JADE2: variants seen among roughly 807,000 people sequenced by gnomAD.
JADE2 encodes the protein jade family PHD finger 2, also known as E3 ubiquitin-protein ligase Jade-2.
A neutral mutation model predicts 85.7 loss-of-function variants in JADE2; 13 were observed. That is an observed-to-expected ratio of 0.15 (90% confidence interval 0.10 to 0.24). JADE2 has a LOEUF of 0.24. Ranked by LOEUF, JADE2 falls within the 10% of genes least tolerant of loss-of-function variation. The pLI, the probability that JADE2 is intolerant of heterozygous loss-of-function variation, is 1.00. For missense variants in JADE2, 846 were observed against 1,115.9 expected, an observed-to-expected ratio of 0.76 and a Z score of 3.45; for synonymous variants, 440 against 456.1, an observed-to-expected ratio of 0.96 and a Z score of 0.45.
chr5:134,567,358 C>A (rs1763706413), intron 9 of JADE2, among the ~76,000 whole-genome samples: 1 of 152,266 alleles, frequency 6.6e-6, no homozygotes, highest in African/African-American at 2.4e-5. Flanking sequence ...GAAAACCACC[C>A]CCAGCTGTGT....
Position 134,538,027 on chromosome 5 carries a change from C to T in JADE2, c.97C>T (p.Leu33=), listed in dbSNP as rs1761712644. The T allele has an allele frequency of 1.9e-6, 3 of 1,614,182 alleles. No homozygotes were observed. The highest frequency in any genetic ancestry group is 1.7e-6 in the Non-Finnish European group (2 of 1,180,018). Residue 33 remains leucine, a synonymous_variant, in exon 3 of 12, where the codon CTG becomes TTG. Coordinates refer to ENST00000681547, the MANE Select transcript of JADE2 (RefSeq NM_001388185.1). ...TACATCCGCATCAAGATGCTCCAAA[C>T]TGCCCAGCAGCACCAAGTCGGGCTG... is the stretch of plus-strand genomic sequence containing the variant. ...TSTSASRCSK[L]PSSTKSGWPR...
At chr5:134,572,617 T>C (rs1055866519) in intron 9 of JADE2, among the ~76,000 whole-genome samples, 1 of 152,212 alleles carries the variant, frequency 6.6e-6, no homozygotes, top group Non-Finnish European at 1.5e-5. Context: ...CTGAGCAGCT[T>C]TGGCCAACTG....
chr5:134,576,122 C>T (rs1288601155), intron 10 of JADE2, among the ~76,000 whole-genome samples: 1 of 152,158 alleles, frequency 6.6e-6, no homozygotes, highest in Non-Finnish European at 1.5e-5. Flanking sequence ...TCGCTTGAGC[C>T]TGGGAGGTCA....
chr5:134,544,339 GGT>G (rs1438242227), intron 3 of JADE2: 1 of 158,782 alleles, frequency 6.3e-6, no homozygotes, highest in Non-Finnish European at 1.5e-5. Context: ...TACACAGGAA[GGT>G]GTCTGTTATG....
intron 8 of JADE2, among the ~76,000 whole-genome samples, chr5:134,565,045 A>G (rs1763553455): frequency 6.6e-6 from 1 of 152,190 alleles, no homozygotes; most frequent in African/African-American, 2.4e-5. Context: ...AAAGTCTAGC[A>G]TGCGTCAGAA....
chr5:134,542,366 GT>G, intron 3 of JADE2, among the ~76,000 whole-genome samples: 1 of 143,728 alleles, frequency 7.0e-6, no homozygotes. Flanking sequence ...AGAGATTATT[GT>G]TTTAATACCA....
rs187609910 is a variant in JADE2 at position 134,564,762 on chromosome 5, G to A, written c.969+152G>A. On this transcript the variant is annotated intron_variant, in intron 8 of 11. Coordinates refer to ENST00000681547, the MANE Select transcript of JADE2 (RefSeq NM_001388185.1). Reference sequence around the variant, plus strand: ...TGGGACTGGGGCCAGAGTCAGAATCGCACCTGTTGGGGAGCATTTCTCCAT... The same window carrying A: ...TGGGACTGGGGCCAGAGTCAGAATCACACCTGTTGGGGAGCATTTCTCCAT... 231 of 543,178 alleles carry A rather than the reference G, an allele frequency of 4.3e-4. 2 individuals carry two copies. The highest frequency in any genetic ancestry group is 2.8e-3 in the Admixed American group (78 of 28,072). The allele number at this position is 543,178 out of a possible 1,614,324, so 33.6% of individuals were successfully genotyped here.
Position 134,566,098 on chromosome 5 carries a change from C to T in JADE2, c.970-18C>T, listed in dbSNP as rs1260174914. ...CAGGCTCCCTCCATGTCTGATCCTG[C>T]CCCTCCTTTCCCCTCAGTGTTCCAT... is the stretch of plus-strand genomic sequence containing the variant. On this transcript the variant is annotated intron_variant, in intron 8 of 11. Coordinates refer to ENST00000681547, the MANE Select transcript of JADE2 (RefSeq NM_001388185.1). The surrounding 1 kb of genome is among the most constrained non-coding windows in gnomAD (Gnocchi z 6.7). 6.2e-7 allele frequency: 1 copy of T among 1,600,314 alleles called. No individual in the cohort carries two copies. Among genetic ancestry groups the T allele is most frequent in the African/African-American group, 1.3e-5 (1 of 74,864 alleles).
chr5:134,570,717 C>A (rs1008364650), intron 9 of JADE2, among the ~76,000 whole-genome samples: 8 of 152,176 alleles, frequency 5.3e-5, no homozygotes, highest in Non-Finnish European at 1.0e-4. Flanking sequence ...CCAGGTCCCC[C>A]CTGAGGTCCT....
At chr5:134,561,820 A>T (rs906941332) in intron 6 of JADE2, among the ~76,000 whole-genome samples, 9 of 152,174 alleles carry the variant, frequency 5.9e-5, no homozygotes, top group African/African-American at 2.2e-4. Flanking sequence ...AAGAAATATG[A>T]GGGCTCTGGG....
chr5:134,526,387 C>T lies in JADE2; in HGVS notation c.-1+376C>T, dbSNP rs373977380. 7 of 985,090 alleles carry T rather than the reference C, an allele frequency of 7.1e-6. No homozygotes were observed. The East Asian group carries it at 8.0e-4, about 113-fold the overall frequency. 61.0% of individuals were successfully genotyped at this position (985,090 alleles called of 1,614,324 possible). On this transcript the variant is annotated intron_variant, in intron 1 of 11. Coordinates refer to ENST00000681547, the MANE Select transcript of JADE2 (RefSeq NM_001388185.1). The stretch of plus-strand genomic sequence containing the variant: ...GGGCGCGCCAGGGCTGCAACTTCCC[C>T]GCGGGCTCCGGCCGGGCGTAGGGGC...
intron 3 of JADE2, among the ~76,000 whole-genome samples, chr5:134,549,217 A>G (rs1160210729): frequency 6.6e-6 from 1 of 152,224 alleles, no homozygotes; most frequent in Non-Finnish European, 1.5e-5. Flanking sequence ...ATCCCTGAGG[A>G]GGCGACAGTT....
rs1764773935 is a variant in JADE2 at position 134,582,839 on chromosome 5, A to G, written c.*3522A>G. 1 of 152,668 alleles carries G rather than the reference A, an allele frequency of 6.6e-6. No homozygotes were observed. The allele number at this position is 152,668 out of a possible 1,614,324, so 9.5% of individuals were successfully genotyped here. On this transcript the variant is annotated 3_prime_UTR_variant, in exon 12 of 12. Transcript: ENST00000681547. ...GTGATGTGCCATTTGTTAATATACA[A>G]GAGAAATATTGAAAATATATTGAAA...
At chr5:134,529,254 C>CTGTCTTGCTTG (rs1324463166) in intron 1 of JADE2, among the ~76,000 whole-genome samples, 107 of 152,222 alleles carry the variant, frequency 7.0e-4, no homozygotes, top group African/African-American at 2.4e-3. Context: ...AGCAGGATAC[C>CTGTCTTGCTTG]CCTGGCTTGC....
intron 3 of JADE2, among the ~76,000 whole-genome samples, chr5:134,545,283 C>T (rs1197519890): frequency 5.3e-5 from 8 of 152,244 alleles, no homozygotes; most frequent in Middle Eastern, 3.4e-3. Context: ...GTTGCTGCTC[C>T]GCCAGCTGGA....
intron 9 of JADE2, among the ~76,000 whole-genome samples, chr5:134,567,610 C>T (rs976308600): frequency 6.6e-6 from 1 of 152,138 alleles, no homozygotes; most frequent in Non-Finnish European, 1.5e-5. Context: ...ATGCAGGGAA[C>T]GTTGTGTGAC....
chr5:134,573,518 G>A, intron 9 of JADE2, 127 bp from the exon 10 acceptor site: 1 of 737,378 alleles, frequency 1.4e-6, no homozygotes, highest in Middle Eastern at 3.2e-4. Context: ...AGATGTTCTG[G>A]GCAGGATAGG....
At chr5:134,524,148 T>A (rs542765608), upstream of JADE2, among the ~76,000 whole-genome samples, 400 of 152,318 alleles carry the variant, frequency 2.6e-3, 2 homozygotes, top group Non-Finnish European at 4.5e-3. Flanking sequence ...CACAACCTCC[T>A]CCCGAGGCCA....
chr5:134,528,628 A>C (rs1056525706), intron 1 of JADE2, among the ~76,000 whole-genome samples: 5 of 152,180 alleles, frequency 3.3e-5, no homozygotes, highest in South Asian at 2.1e-4. Flanking sequence ...TGTTTGTTTG[A>C]TCTGGAGCCC....
Sources: gnomAD v4.1 joint callset for allele counts (sites outside exome capture counted in the v4.1 genomes callset) on GRCh38, gnomAD v4.1.1 for gene constraint, Gnocchi (gnomAD v3.1) non-coding constraint, MANE v1.5 for transcripts, NCBI Gene and HGNC (gene_info 2026-07-23, HGNC 2026-07-21) for gene names.